Variants in SYNE2 observed in about 807,000 individuals in gnomAD.
SYNE2 encodes spectrin repeat containing nuclear envelope protein 2.
In SYNE2, 431 loss-of-function variants were observed where a neutral mutation model predicts 856.3. The observed-to-expected ratio is 0.50, with a 90% CI of 0.47 to 0.55. The LOEUF is 0.55. Ranked by LOEUF, SYNE2 falls within the 20% of genes least tolerant of loss-of-function variation. The pLI is 0.00. For missense variants in SYNE2, 8,129 were observed against 8,023.2 expected (o/e 1.01, Z -0.50); for synonymous variants, 2,923 against 2,872.3 (o/e 1.02, Z -0.56).
Position 64,052,378 on chromosome 14 carries a change from C to T in SYNE2, c.8465C>T (p.Ser2822Leu). 1.4e-5 allele frequency: 23 copies of T among 1,614,028 alleles called. No homozygotes were observed. Among genetic ancestry groups the T allele is most frequent in the Non-Finnish European group, 1.9e-5 (23 of 1,180,008 alleles). Residue 2822 changes from serine to leucine, a missense_variant, in exon 48 of 116, where the codon TCA (serine) becomes TTA (leucine). Physicochemically the swap from Ser to Leu is moderately radical, Grantham distance 145 (BLOSUM62 -2). This residue lies in a region of SYNE2 where 5,410 missense variants were observed against 5,284.8 expected (regional missense o/e 1.02). Transcript: ENST00000555002. ...RNQYQMLVLK[S>L]TQRSQQLEFK... ...CAATACCAAATGCTGGTTTTAAAAT[C>T]AACTCAAAGATCACAGCAATTAGAA...
At chr14:63,959,081 A>C in intron 8 of SYNE2, among the ~76,000 whole-genome samples, 1 of 151,978 alleles carries the variant, frequency 6.6e-6, no homozygotes, top group East Asian at 1.9e-4. Flanking sequence ...TCATTTCTCC[A>C]AGGAGCCCTG....
At chr14:64,007,928 T>A (rs1214668715) in intron 31 of SYNE2, among the ~76,000 whole-genome samples, 2 of 152,152 alleles carry the variant, frequency 1.3e-5, no homozygotes, top group East Asian at 3.9e-4. Context: ...GAACATCACT[T>A]GAGCCTGGGA....
intron 7 of SYNE2, among the ~76,000 whole-genome samples, chr14:63,953,759 C>T (rs1448705135): frequency 6.6e-6 from 1 of 152,212 alleles, no homozygotes; most frequent in Non-Finnish European, 1.5e-5. Flanking sequence ...ATCCCCCAAA[C>T]CCTGGCCTCT....
intron 76 of SYNE2, among the ~76,000 whole-genome samples, chr14:64,131,174 G>A (rs1231253339): frequency 6.6e-6 from 1 of 152,162 alleles, no homozygotes; most frequent in East Asian, 1.9e-4. Context: ...GAGGGGAAGA[G>A]GAGAAAATAA....
chr14:64,090,346 C>T lies in SYNE2; in HGVS notation c.11794-520C>T, dbSNP rs115810534. ...ATATTATATGAGATATGACTTAGTA[C>T]GGTGAGTAATCTCTTCTAATGTATT... On this transcript the variant is annotated intron_variant, in intron 59 of 115. Transcript: ENST00000555002. Among the ~76,000 whole-genome samples, 1,237 of 152,238 alleles carry T rather than the reference C, an allele frequency of 8.1e-3. 22 individuals are homozygous for T. The highest frequency in any genetic ancestry group is 0.028 in the African/African-American group (1,171 of 41,520).
At chr14:63,773,656 G>A (rs748794593) in intron 1 of SYNE2, among the ~76,000 whole-genome samples, 13 of 152,042 alleles carry the variant, frequency 8.6e-5, no homozygotes, top group Non-Finnish European at 1.8e-4. Flanking sequence ...GAAACTCCTC[G>A]GTTCAAACAA....
chr14:64,152,814 C>G (rs950912442), intron 85 of SYNE2, 98 bp downstream of exon 85: 2 of 1,444,186 alleles, frequency 1.4e-6, no homozygotes, highest in Non-Finnish European at 1.9e-6. Flanking sequence ...TGGAGACTCT[C>G]TATACCAAAC....
chr14:64,126,295 A>G, intron 71 of SYNE2, 32 bp from the exon 72 acceptor site: 1 of 1,596,338 alleles, frequency 6.3e-7, no homozygotes, highest in Non-Finnish European at 8.6e-7. Flanking sequence ...AAGGTATCTT[A>G]ATTTTCTTTT....
intron 94 of SYNE2, chr14:64,174,113 C>A: frequency 4.1e-6 from 2 of 482,274 alleles, no homozygotes; most frequent in South Asian, 6.3e-5. Flanking sequence ...ACTCTGTCAC[C>A]CAGGCTGGAG....
At chr14:64,173,626 A>G (rs2098421002) in intron 94 of SYNE2, among the ~76,000 whole-genome samples, 1 of 152,110 alleles carries the variant, frequency 6.6e-6, no homozygotes, top group Non-Finnish European at 1.5e-5. Context: ...TTATTTTTTT[A>G]GAGATAGGTA....
chr14:63,878,653 C>T (rs1363541966), intron 1 of SYNE2, among the ~76,000 whole-genome samples: 1 of 152,160 alleles, frequency 6.6e-6, no homozygotes, highest in South Asian at 2.1e-4. Context: ...AGCAATTCTC[C>T]TGCCTCAGCC....
intron 30 of SYNE2, among the ~76,000 whole-genome samples, chr14:64,005,535 G>A (rs1000376169): frequency 1.3e-5 from 2 of 152,184 alleles, no homozygotes; most frequent in East Asian, 1.9e-4. Context: ...GTGGTAACTT[G>A]AACAGTGAGT....
intron 11 of SYNE2, among the ~76,000 whole-genome samples, chr14:63,974,937 C>G (rs1374333597): frequency 9.8e-6 from 1 of 102,330 alleles, no homozygotes; most frequent in Admixed American, 1.2e-4. Flanking sequence ...GACAGGGTCT[C>G]ACTCTGTCGC....
intron 1 of SYNE2, among the ~76,000 whole-genome samples, chr14:63,807,419 A>G (rs1024097002): frequency 6.6e-6 from 1 of 152,048 alleles, no homozygotes; most frequent in Non-Finnish European, 1.5e-5. Context: ...AGACTAAAGG[A>G]CAAAAACTGA....
At chr14:63,781,720 G>T (rs1887319108) in intron 1 of SYNE2, among the ~76,000 whole-genome samples, 1 of 151,946 alleles carries the variant, frequency 6.6e-6, no homozygotes, top group Non-Finnish European at 1.5e-5. Context: ...ATTTTCTCCA[G>T]TGTGGGACTA....
intron 10 of SYNE2, among the ~76,000 whole-genome samples, chr14:63,964,904 ACCGAGAGT>A (rs1054997078): frequency 6.6e-6 from 1 of 152,098 alleles, no homozygotes; most frequent in African/African-American, 2.4e-5. Context: ...ACAGGGCTCA[ACCGAGAGT>A]CCTTTGGCAA....
At chr14:64,138,726 C>T (rs1373385183) in intron 79 of SYNE2, among the ~76,000 whole-genome samples, 2 of 152,068 alleles carry the variant, frequency 1.3e-5, no homozygotes, top group East Asian at 3.8e-4. Context: ...TAATCTTGAA[C>T]CGTGTGAGGA....
rs1220246109 is a variant in SYNE2 at position 63,962,101 on chromosome 14, GGC to G, written c.888+477_888+478del. On this transcript the variant is annotated intron_variant, in intron 9 of 115. Transcript: ENST00000555002. ...AGATGGAGTCTTGCCCTGTCGCCCA[GGC>G]TGTAGTGCAGTGGCGCGATCTTGGC... 2.0e-5 allele frequency among the ~76,000 whole-genome samples: 3 copies of G among 151,454 alleles called. No homozygotes were observed. The East Asian group carries it at 5.8e-4, about 29-fold the overall frequency.
chr14:64,046,741 T>C (rs1039379325), intron 45 of SYNE2, among the ~76,000 whole-genome samples: 1 of 152,202 alleles, frequency 6.6e-6, no homozygotes, highest in Non-Finnish European at 1.5e-5. Flanking sequence ...TCCACTGTGC[T>C]CAACCCCTTG....
Sources: allele counts gnomAD v4.1 joint callset (sites outside exome capture counted in the v4.1 genomes callset), GRCh38; gene constraint gnomAD v4.1.1; regional missense constraint gnomAD v4.1.1; transcripts MANE v1.5; gene names NCBI Gene and HGNC (gene_info 2026-07-23, HGNC 2026-07-21).